SPAG16: variants seen among roughly 807,000 people sequenced by gnomAD.
The protein encoded by SPAG16 is sperm associated antigen 16, also known as sperm-associated antigen 16 protein.
In SPAG16, 86 loss-of-function variants were observed where a neutral mutation model predicts 80.4. That is an observed-to-expected ratio of 1.07 (90% CI 0.90 to 1.28). The LOEUF is 1.28. Ranked by LOEUF, SPAG16 falls within the 50% of genes most tolerant of loss-of-function variation. The pLI is 0.00. For synonymous variants in SPAG16, 294 were observed against 265.9 expected, an observed-to-expected ratio of 1.11 and a Z score of -1.03; for missense variants, 870 against 765.3, an observed-to-expected ratio of 1.14 and a Z score of -1.61.
chr2:213,601,253 C>G (rs2061050079), intron 10 of SPAG16, among the ~76,000 whole-genome samples: 1 of 152,138 alleles, frequency 6.6e-6, no homozygotes, highest in South Asian at 2.1e-4. Context: ...TTTGGTGGAT[C>G]TGAACTTTAA....
At chr2:213,285,999 A>C in intron 1 of SPAG16, 1 of 1,006,482 alleles carries the variant, frequency 9.9e-7, no homozygotes, top group Non-Finnish European at 1.4e-6. Context: ...TGAGATTGAC[A>C]CAATGAGGTA....
At chr2:214,093,620 T>C (rs770602931) in intron 13 of SPAG16, among the ~76,000 whole-genome samples, 112 of 152,010 alleles carry the variant, frequency 7.4e-4, no homozygotes, top group Non-Finnish European at 1.4e-3. Context: ...TGTATGTATA[T>C]GTGTGGGGTT....
At chr2:214,381,082 G>C (rs902918945) in intron 15 of SPAG16, among the ~76,000 whole-genome samples, 1 of 152,150 alleles carries the variant, frequency 6.6e-6, no homozygotes. Flanking sequence ...CCCCAGGAAA[G>C]TTGGTATGCT....
chr2:214,324,673 A>G (rs894369140), intron 15 of SPAG16, among the ~76,000 whole-genome samples: 7 of 151,906 alleles, frequency 4.6e-5, no homozygotes, highest in African/African-American at 9.7e-5. Context: ...GCATAAAGGG[A>G]AAAAAAATAG....
chr2:213,378,949 A>G (rs555216120), intron 9 of SPAG16, among the ~76,000 whole-genome samples: 57 of 152,294 alleles, frequency 3.7e-4, no homozygotes, highest in African/African-American at 1.3e-3. Context: ...GGAGTAGTAG[A>G]CTGATTTCAT....
chr2:213,685,311 G>A (rs1454798177), intron 10 of SPAG16, among the ~76,000 whole-genome samples: 1 of 152,196 alleles, frequency 6.6e-6, no homozygotes, highest in Non-Finnish European at 1.5e-5. Context: ...CTTGTAAGAA[G>A]GAGAAAGGTG....
intron 9 of SPAG16, among the ~76,000 whole-genome samples, chr2:213,468,028 G>A (rs1214438333): frequency 6.6e-6 from 1 of 152,144 alleles, no homozygotes; most frequent in African/African-American, 2.4e-5. Flanking sequence ...CCACTTTCAG[G>A]AGGTTCTCTA....
At chr2:213,473,954 A>G (rs112432634) in intron 9 of SPAG16, among the ~76,000 whole-genome samples, 3,905 of 152,198 alleles carry the variant, frequency 0.026, 163 homozygotes, top group African/African-American at 0.088. Flanking sequence ...AATCAACATT[A>G]TCTTTCCTGG....
chr2:213,827,570 A>G (rs1000605764), intron 10 of SPAG16, among the ~76,000 whole-genome samples: 1 of 152,128 alleles, frequency 6.6e-6, no homozygotes, highest in Non-Finnish European at 1.5e-5. Context: ...CACAATTACA[A>G]TGTGATAATA....
At position 213,786,283 on chromosome 2, in the gene SPAG16, T is replaced by C. The variant is rs571417313; in HGVS notation, c.1071-76202T>C. ...GAACTATGGGAGCTCCGTGGTAGAA[T>C]TATATGCTGTTTGCTCTCAGAGAGC... On this transcript the variant is annotated intron_variant, in intron 10 of 15. Transcript: ENST00000331683. 9.2e-5 allele frequency among the ~76,000 whole-genome samples: 14 copies of C among 152,290 alleles called. No individual in the cohort carries two copies. The South Asian group carries it at 2.5e-3, about 27-fold the overall frequency.
chr2:214,100,023 T>C (rs2052893950), intron 13 of SPAG16, among the ~76,000 whole-genome samples: 1 of 151,970 alleles, frequency 6.6e-6, no homozygotes, highest in Admixed American at 6.6e-5. Flanking sequence ...TCCCCATGTG[T>C]CGAGGGGAGA....
At chr2:213,903,133 A>G (rs1238236955) in intron 11 of SPAG16, among the ~76,000 whole-genome samples, 1 of 152,118 alleles carries the variant, frequency 6.6e-6, no homozygotes, top group African/African-American at 2.4e-5. Flanking sequence ...CCAGGGGCAC[A>G]GTGCAAGCTG....
chr2:213,929,449 C>T (rs554515128), intron 11 of SPAG16, among the ~76,000 whole-genome samples: 1 of 152,208 alleles, frequency 6.6e-6, no homozygotes, highest in Non-Finnish European at 1.5e-5. Flanking sequence ...TCTCTTTGAT[C>T]TCTCATGATC....
At chr2:213,345,028 C>A (rs981988140) in intron 6 of SPAG16, among the ~76,000 whole-genome samples, 16 of 150,608 alleles carry the variant, frequency 1.1e-4, no homozygotes, top group South Asian at 2.1e-4. Context: ...TTCTCCACAT[C>A]CTCTCCAGCA....
At chr2:214,382,106 T>C (rs915684685) in intron 15 of SPAG16, among the ~76,000 whole-genome samples, 1 of 152,224 alleles carries the variant, frequency 6.6e-6, no homozygotes, top group Non-Finnish European at 1.5e-5. Flanking sequence ...ACCCCTCCAG[T>C]AACCAGAGTC....
chr2:213,347,543 A>G (rs2065068492), intron 6 of SPAG16, among the ~76,000 whole-genome samples: 1 of 152,120 alleles, frequency 6.6e-6, no homozygotes, highest in Non-Finnish European at 1.5e-5. Flanking sequence ...ATTTTCCTCT[A>G]CACACTGCTT....
intron 3 of SPAG16, among the ~76,000 whole-genome samples, chr2:213,300,195 A>C (rs1252528344): frequency 6.6e-6 from 1 of 152,166 alleles, no homozygotes; most frequent in Non-Finnish European, 1.5e-5. Flanking sequence ...CCCAAGTCAT[A>C]TAATTGTTCA....
intron 10 of SPAG16, among the ~76,000 whole-genome samples, chr2:213,714,554 A>C (rs2066147559): frequency 6.6e-6 from 1 of 152,148 alleles, no homozygotes; most frequent in Admixed American, 6.5e-5. Context: ...ATAATTACTA[A>C]ATTACTAAAC....
At position 214,161,579 on chromosome 2, in the gene SPAG16, T is replaced by A. The variant is rs562721110; in HGVS notation, c.1720+12313T>A. Among the ~76,000 whole-genome samples, 6 of 152,238 alleles carry A rather than the reference T, an allele frequency of 3.9e-5. No individual in the cohort carries two copies. In the East Asian group the frequency reaches 9.7e-4, roughly 25 times the overall value. ...TGATGTTGAGCTTTTTCTCACATGT[T>A]TGTTGGTGGCATGACTGTCTTTTTT... On this transcript the variant is annotated intron_variant, in intron 15 of 15. Coordinates refer to ENST00000331683, the MANE Select transcript of SPAG16 (RefSeq NM_024532.5).
Sources: gnomAD v4.1 joint callset for allele counts (sites outside exome capture counted in the v4.1 genomes callset) on GRCh38, gnomAD v4.1.1 for gene constraint, MANE v1.5 for transcripts, NCBI Gene and HGNC (gene_info 2026-07-23, HGNC 2026-07-21) for gene names.